The following EPHA8 variants were observed in gnomAD, a reference collection of about 807,000 sequenced individuals.
The protein encoded by EPHA8 is ephrin type-A receptor 8.
EPHA8 carries 58 observed loss-of-function variants against 103.6 expected under a neutral mutation model. The observed-to-expected ratio is 0.56, with a 90% confidence interval of 0.45 to 0.70. EPHA8 has a LOEUF of 0.70. EPHA8 is among the 30% of genes least tolerant of loss of function. EPHA8 has a pLI of 0.00. For synonymous variants in EPHA8, 559 were observed against 572.5 expected (o/e 0.98, Z 0.34); for missense variants, 1,304 against 1,395.2 (o/e 0.93, Z 1.04).
Position 22,588,852 on chromosome 1 carries a change from T to C in EPHA8, c.980-19T>C. The C allele has an allele frequency of 6.4e-7, 1 of 1,559,414 alleles. No individual in the cohort carries two copies. The highest frequency in any genetic ancestry group is 8.7e-7 in the Non-Finnish European group (1 of 1,154,690). The stretch of plus-strand genomic sequence containing the variant: ...CCAAATAAATAACCACTGCCCCATC[T>C]GTCATCCTCTGCCCTCAGGGCCACC... On this transcript the variant is annotated intron_variant, in intron 4 of 16. Coordinates refer to ENST00000166244, the MANE Select transcript of EPHA8 (RefSeq NM_020526.5).
At chr1:22,575,318 T>G (rs1033018359) in intron 2 of EPHA8, among the ~76,000 whole-genome samples, 2 of 152,216 alleles carry the variant, frequency 1.3e-5, no homozygotes, top group East Asian at 3.9e-4. Context: ...GTGGTTTTGA[T>G]TTGTATTTCC....
intron 2 of EPHA8, among the ~76,000 whole-genome samples, chr1:22,575,132 G>T (rs1397669534): frequency 6.6e-6 from 1 of 151,974 alleles, no homozygotes; most frequent in Non-Finnish European, 1.5e-5. Flanking sequence ...TCTATTTTTA[G>T]TAGAGACAGG....
At chr1:22,572,913 C>T (rs1034419678) in intron 2 of EPHA8, among the ~76,000 whole-genome samples, 1 of 152,250 alleles carries the variant, frequency 6.6e-6, no homozygotes, top group Admixed American at 6.5e-5. Context: ...ATCAGCAGCT[C>T]CCGGGGCTGG....
At position 22,601,433 on chromosome 1, in the gene EPHA8, G is replaced by A. The variant is rs990213044; in HGVS notation, c.2863G>A (p.Gly955Arg). The A allele has an allele frequency of 9.3e-6, 15 of 1,610,746 alleles. No homozygotes were observed. Among genetic ancestry groups the A allele is most frequent in the Admixed American group, 8.3e-5 (5 of 60,008 alleles). ...GRYRDHFAAG[G>R]YSSLGMVLRM... ...GTACCGAGACCACTTCGCTGCGGGCGGATACTCCTCTCTGGGCATGGTGCT... is the reference window on the plus strand; with the variant it reads ...GTACCGAGACCACTTCGCTGCGGGCAGATACTCCTCTCTGGGCATGGTGCT... The change falls in exon 16 of 17, where the codon GGA becomes AGA. Residue 955 changes from glycine to arginine, a missense_variant. Physicochemically the swap from Gly to Arg is moderately radical, Grantham distance 125. Transcript: ENST00000166244.
Position 22,597,796 on chromosome 1 carries a change from A to C in EPHA8, c.2051A>C (p.Glu684Ala). ...TERQRRDFLS[E>A]ASIMGQFDHP... ...AGACAGAGGCGGGACTTCCTGAGCG[A>C]GGCGTCCATCATGGGGCAATTCGAC... is the stretch of plus-strand genomic sequence containing the variant. The change falls in exon 11 of 17, where the codon GAG becomes GCG. Residue 684 changes from glutamate (E) to alanine (A), a missense_variant. Coordinates refer to ENST00000166244, the MANE Select transcript of EPHA8 (RefSeq NM_020526.5). The surrounding 1 kb of genome is among the most constrained non-coding windows in gnomAD (Gnocchi z 4.6). 6.2e-7 allele frequency: 1 copy of C among 1,613,042 alleles called. No homozygotes were observed. Among genetic ancestry groups the C allele is most frequent in the South Asian group, 1.1e-5 (1 of 91,076 alleles).
rs1463980748 is a variant in EPHA8 at position 22,595,207 on chromosome 1, C to T, written c.1604-23C>T. The T allele has an allele frequency of 1.9e-6, 3 of 1,592,440 alleles. No individual in the cohort carries two copies. The Admixed American group carries it at 5.1e-5, about 27-fold the overall frequency. On this transcript the variant is annotated intron_variant, in intron 7 of 16. Coordinates refer to ENST00000166244, the MANE Select transcript of EPHA8 (RefSeq NM_020526.5). ...AGGCCAGGGCTGAGAGCCTGGTCCCCCAACCCTGGCTTTCCCCTGCAGGGC... is the reference window on the plus strand; with the variant it reads ...AGGCCAGGGCTGAGAGCCTGGTCCCTCAACCCTGGCTTTCCCCTGCAGGGC...
chr1:22,580,079 A>C (rs1207036097), intron 3 of EPHA8, among the ~76,000 whole-genome samples: 1 of 147,060 alleles, frequency 6.8e-6, no homozygotes, highest in East Asian at 2.0e-4. Context: ...TGCAGCCACT[A>C]GGCCCTTTGA....
Position 22,602,045 on chromosome 1 carries a change from T to C in EPHA8, c.*304T>C, listed in dbSNP as rs1228507473. 4 of 504,904 alleles carry C rather than the reference T, an allele frequency of 7.9e-6. No homozygotes were observed. Among genetic ancestry groups the C allele is most frequent in the Non-Finnish European group, 1.0e-5 (3 of 287,172 alleles). 31.3% of individuals were successfully genotyped at this position (504,904 alleles called of 1,614,324 possible). ...GGGACATCACTCGCCTGCCTCTGTG[T>C]GCGTGCATGTGTGTGTGTGGTGGGG... is the stretch of plus-strand genomic sequence containing the variant. On this transcript the variant is annotated 3_prime_UTR_variant, in exon 17 of 17. Coordinates refer to ENST00000166244, the MANE Select transcript of EPHA8 (RefSeq NM_020526.5).
chr1:22,569,179 A>AGCTGTGT lies in EPHA8; in HGVS notation c.95-105_95-99dup, dbSNP rs1385415335. On this transcript the variant is annotated intron_variant, in intron 1 of 16. Coordinates refer to ENST00000166244, the MANE Select transcript of EPHA8 (RefSeq NM_020526.5). This position sits in a 1 kb window ranked among gnomAD's most constrained non-coding sequence, Gnocchi z 4.5. ...GCATTCAGGCAGAGGGACCCGTGTG[A>AGCTGTGT]GCTGTGTGCTGGGGGCTGAGTGTGG... 4 of 1,013,084 alleles carry AGCTGTGT rather than the reference A, an allele frequency of 3.9e-6. No homozygotes were observed. The highest frequency in any genetic ancestry group is 1.6e-5 in the African/African-American group (1 of 62,226). The allele number at this position is 1,013,084 out of a possible 1,614,324, so 62.8% of individuals were successfully genotyped here.
rs1425967072 is a variant in EPHA8, at chr1:22,576,071, A to G, written c.160-146A>G. 1 of 836,126 alleles carries G rather than the reference A, an allele frequency of 1.2e-6. No individual in the cohort carries two copies. The highest frequency in any genetic ancestry group is 2.5e-5 in the East Asian group (1 of 40,168). The allele number at this position is 836,126 out of a possible 1,614,324, so 51.8% of individuals were successfully genotyped here. A position where few individuals can be genotyped will look rare whatever the true frequency, so the allele number is the denominator to read the frequency against. On this transcript the variant is annotated intron_variant, in intron 2 of 16. Coordinates refer to ENST00000166244, the MANE Select transcript of EPHA8 (RefSeq NM_020526.5). The surrounding 1 kb of genome is among the most constrained non-coding windows in gnomAD (Gnocchi z 4.8). ...TGGCCCTCTTCGAGATCATGTCTGCAGGGGGCCTGGCATCTAGTAGCCACC... is the reference window on the plus strand; with the variant it reads ...TGGCCCTCTTCGAGATCATGTCTGCGGGGGGCCTGGCATCTAGTAGCCACC...
rs1435022475 is a variant in EPHA8, at chr1:22,569,892, C to G, written c.159+539C>G. 6.6e-6 allele frequency among the ~76,000 whole-genome samples: 1 copy of G among 152,216 alleles called. No homozygotes were observed. The highest frequency in any genetic ancestry group is 1.5e-5 in the Non-Finnish European group (1 of 68,040). ...GTGAGCAGGCTGCACTGCCCCGTCC[C>G]TCTGCTTCTCTTCTCTGAATCCTGC... On this transcript the variant is annotated intron_variant, in intron 2 of 16. Coordinates refer to ENST00000166244, the MANE Select transcript of EPHA8 (RefSeq NM_020526.5). The surrounding 1 kb of genome is among the most constrained non-coding windows in gnomAD (Gnocchi z 4.5).
intron 1 of EPHA8, among the ~76,000 whole-genome samples, chr1:22,565,333 G>A (rs915012378): frequency 4.6e-5 from 7 of 152,162 alleles, no homozygotes; most frequent in Admixed American, 1.3e-4. Flanking sequence ...GTGAGATGCC[G>A]GCAGAGCAGG....
chr1:22,577,650 G>C (rs919354552), intron 3 of EPHA8, among the ~76,000 whole-genome samples: 15 of 152,124 alleles, frequency 9.9e-5, no homozygotes, highest in Admixed American at 7.9e-4. Flanking sequence ...AGTGAGAAGA[G>C]AGCCCCTGGG....
rs1476730014 is a variant in EPHA8, at chr1:22,567,568, C to G, written c.95-1721C>G. 6.6e-6 allele frequency among the ~76,000 whole-genome samples: 1 copy of G among 152,062 alleles called. No homozygotes were observed. The highest frequency in any genetic ancestry group is 1.5e-5 in the Non-Finnish European group (1 of 67,982). ...AGGGAGGAGCGCGGAGACCCCCTCCCTAGTTCTGCCAGCCTCACTCCAGCC... is the reference window on the plus strand; with the variant it reads ...AGGGAGGAGCGCGGAGACCCCCTCCGTAGTTCTGCCAGCCTCACTCCAGCC... On this transcript the variant is annotated intron_variant, in intron 1 of 16. Transcript: ENST00000166244. This position sits in a 1 kb window ranked among gnomAD's most constrained non-coding sequence, Gnocchi z 4.2.
chr1:22,574,983 C>T (rs1369212503), intron 2 of EPHA8, among the ~76,000 whole-genome samples: 1 of 152,176 alleles, frequency 6.6e-6, no homozygotes, highest in Non-Finnish European at 1.5e-5. Flanking sequence ...GGGAGTCTCG[C>T]TCTGTTGCTC....
In EPHA8 at chr1:22,597,660, C is replaced by G. The variant is rs367961894; in HGVS notation, c.1931-16C>G. Reference sequence around the variant, plus strand: ...CACTGCCCTCCCTCCACACCTGCCCCTCTCGGGGCCTGCAGGAGACTCCGG... The same window carrying G: ...CACTGCCCTCCCTCCACACCTGCCCGTCTCGGGGCCTGCAGGAGACTCCGG... On this transcript the variant is annotated splice_polypyrimidine_tract_variant and intron_variant, in intron 10 of 16. Coordinates refer to ENST00000166244, the MANE Select transcript of EPHA8 (RefSeq NM_020526.5). The surrounding 1 kb of genome is among the most constrained non-coding windows in gnomAD (Gnocchi z 4.6). 3.1e-6 allele frequency: 5 copies of G among 1,592,940 alleles called. No individual in the cohort carries two copies. Among genetic ancestry groups the G allele is most frequent in the South Asian group, 1.1e-5 (1 of 88,312 alleles).
chr1:22,569,229 T>C lies in EPHA8; in HGVS notation c.95-60T>C. ...GACCAGTGTAGCTGGGTCAGGCTGC[T>C]CTTGAGGAGCTGGGGAGAAGTCAGA... is the stretch of plus-strand genomic sequence containing the variant. On this transcript the variant is annotated intron_variant, in intron 1 of 16. Coordinates refer to ENST00000166244, the MANE Select transcript of EPHA8 (RefSeq NM_020526.5). This position sits in a 1 kb window ranked among gnomAD's most constrained non-coding sequence, Gnocchi z 4.5. 1 of 1,582,182 alleles carries C rather than the reference T, an allele frequency of 6.3e-7. No individual in the cohort carries two copies. The highest frequency in any genetic ancestry group is 8.7e-7 in the Non-Finnish European group (1 of 1,152,348).
rs550250578 is a variant in EPHA8, at chr1:22,575,911, C to A, written c.160-306C>A. On this transcript the variant is annotated intron_variant, in intron 2 of 16. Transcript: ENST00000166244. The stretch of plus-strand genomic sequence containing the variant: ...GAGCCACAGAGAAATGAGGGCAGAG[C>A]TTTGGCATCAGACAGGACCGATTCC... Among the ~76,000 whole-genome samples, 4 of 152,260 alleles carry A rather than the reference C, an allele frequency of 2.6e-5. No individual in the cohort carries two copies. The South Asian group carries it at 8.3e-4, about 32-fold the overall frequency.
chr1:22,583,519 T>G (rs1004569510), intron 3 of EPHA8, among the ~76,000 whole-genome samples: 2 of 152,106 alleles, frequency 1.3e-5, no homozygotes, highest in Non-Finnish European at 2.9e-5. Context: ...GCTGGGAACC[T>G]GGGGCAAGGC....
Sources: allele counts gnomAD v4.1 joint callset (sites outside exome capture counted in the v4.1 genomes callset), GRCh38; gene constraint gnomAD v4.1.1; non-coding constraint Gnocchi (gnomAD v3.1); transcripts MANE v1.5; gene names NCBI Gene and HGNC (gene_info 2026-07-23, HGNC 2026-07-21).